Variants in BTRC observed in about 807,000 individuals in gnomAD.
BTRC encodes beta-transducin repeat containing E3 ubiquitin protein ligase.
BTRC carries 42 observed loss-of-function variants against 85.5 expected under a neutral mutation model. The observed-to-expected ratio is 0.49, with a 90% CI of 0.38 to 0.64. The LOEUF (loss-of-function observed/expected upper bound fraction) is 0.64. BTRC is among the 30% of genes least tolerant of loss of function. BTRC has a pLI of 0.00. For synonymous variants in BTRC, 255 were observed against 263.3 expected, an observed-to-expected ratio of 0.97 and a Z score of 0.30; for missense variants, 594 against 743.5, an observed-to-expected ratio of 0.80 and a Z score of 2.34.
At chr10:101,461,383 C>T (rs931327336) in intron 2 of BTRC, among the ~76,000 whole-genome samples, 5 of 151,746 alleles carry the variant, frequency 3.3e-5, no homozygotes, top group African/African-American at 1.2e-4. Flanking sequence ...TTGTTTTTTT[C>T]CCCCTCCTAA....
intron 3 of BTRC, among the ~76,000 whole-genome samples, chr10:101,472,213 T>G (rs1343379584): frequency 6.6e-6 from 1 of 152,082 alleles, no homozygotes; most frequent in African/African-American, 2.4e-5. Context: ...TCTTTCCATA[T>G]TTCATTTTTC....
chr10:101,498,537 A>G (rs1946322398), intron 4 of BTRC, among the ~76,000 whole-genome samples: 2 of 152,118 alleles, frequency 1.3e-5, no homozygotes, highest in Non-Finnish European at 2.9e-5. Context: ...CCATAAGCTA[A>G]TGGTGGCCAC....
chr10:101,480,183 A>G lies in BTRC; in HGVS notation c.324+726A>G, dbSNP rs182385784. On this transcript the variant is annotated intron_variant, in intron 4 of 14. Coordinates refer to ENST00000370187, the MANE Select transcript of BTRC (RefSeq NM_033637.4). ...CTGCAAAAATATTGCCTTTATATCT[A>G]TTCATAGATTTGCTACTGTTACAAC... Among the ~76,000 whole-genome samples, 117 of 152,244 alleles carry G rather than the reference A, an allele frequency of 7.7e-4. 2 individuals are homozygous for G. Among genetic ancestry groups the G allele is most frequent in the African/African-American group, 2.6e-3 (110 of 41,538 alleles).
chr10:101,547,405 A>G (rs1164598672), intron 13 of BTRC, among the ~76,000 whole-genome samples: 2 of 140,284 alleles, frequency 1.4e-5, no homozygotes, highest in African/African-American at 2.7e-5. Flanking sequence ...CAATGGCGCA[A>G]TCTCGGCTCA....
chr10:101,462,932 A>G (rs1426049552), intron 3 of BTRC, among the ~76,000 whole-genome samples: 1 of 151,648 alleles, frequency 6.6e-6, no homozygotes, highest in Non-Finnish European at 1.5e-5. Flanking sequence ...CAGTGGCGTG[A>G]TCTCGGCTCA....
intron 4 of BTRC, among the ~76,000 whole-genome samples, chr10:101,487,916 G>A (rs2134249432): frequency 6.6e-6 from 1 of 152,212 alleles, no homozygotes; most frequent in East Asian, 1.9e-4. Context: ...TTCCATTCTA[G>A]AGCTGGTTGC....
chr10:101,533,216 G>A (rs539446469), intron 9 of BTRC, 146 bp downstream of exon 9: 1 of 536,312 alleles, frequency 1.9e-6, no homozygotes, highest in Non-Finnish European at 3.2e-6. Flanking sequence ...TGTCAGTCTA[G>A]AACTAGAAAA....
chr10:101,541,967 C>A (rs2062475589), intron 13 of BTRC, among the ~76,000 whole-genome samples: 1 of 152,018 alleles, frequency 6.6e-6, no homozygotes, highest in African/African-American at 2.4e-5. Flanking sequence ...GTTCCCTCAT[C>A]TATTTTCTAA....
intron 1 of BTRC, among the ~76,000 whole-genome samples, chr10:101,374,803 A>G (rs1241802690): frequency 6.6e-6 from 1 of 152,082 alleles, no homozygotes; most frequent in African/African-American, 2.4e-5. Context: ...AAAAAAAAGA[A>G]AAGTTTATCC....
chr10:101,550,839 A>T lies in BTRC; in HGVS notation c.1797A>T (p.Thr599=). 1 of 1,613,948 alleles carries T rather than the reference A, an allele frequency of 6.2e-7. No homozygotes were observed. Among genetic ancestry groups the T allele is most frequent in the Non-Finnish European group, 8.5e-7 (1 of 1,179,858 alleles). ...AACCCCCCCGTTCCCCTTCTCGAAC[A>T]TACACCTACATCTCCAGATAAATAA... The part of the protein sequence containing the change: ...QAEPPRSPSR[T]YTYISR The change falls in exon 14 of 15, where the codon ACA becomes ACT. Residue 599 remains threonine, a synonymous_variant. Coordinates refer to ENST00000370187, the MANE Select transcript of BTRC (RefSeq NM_033637.4).
At chr10:101,552,288 A>T (rs1218783962) in intron 14 of BTRC, among the ~76,000 whole-genome samples, 2 of 151,738 alleles carry the variant, frequency 1.3e-5, no homozygotes, top group East Asian at 1.9e-4. Flanking sequence ...TCCTGGGCTC[A>T]AGTGATTCTC....
At chr10:101,458,958 T>C (rs1454902871) in intron 2 of BTRC, among the ~76,000 whole-genome samples, 1 of 152,206 alleles carries the variant, frequency 6.6e-6, no homozygotes, top group Non-Finnish European at 1.5e-5. Context: ...TCACTTATTG[T>C]AGTTTTAAAT....
At chr10:101,366,441 T>A (rs1371134148) in intron 1 of BTRC, among the ~76,000 whole-genome samples, 4 of 151,602 alleles carry the variant, frequency 2.6e-5, no homozygotes, top group Non-Finnish European at 4.4e-5. Flanking sequence ...GCTAAAATAG[T>A]GGCACAAAGA....
At chr10:101,440,762 C>T (rs920748799) in intron 2 of BTRC, among the ~76,000 whole-genome samples, 1 of 152,036 alleles carries the variant, frequency 6.6e-6, no homozygotes. Context: ...TTAGCCCTCT[C>T]CTCTGAAAAT....
rs1300676828 is a variant in BTRC, at chr10:101,553,894, C to CTT, written c.*772_*773dup. ...GCCAGATCAGCCAGAAAATGCAACA[C>CTT]TTGGAAGAGTTAAATGCTGTTCAGT... On this transcript the variant is annotated 3_prime_UTR_variant, in exon 15 of 15. Transcript: ENST00000370187. The CTT allele has an allele frequency of 1.3e-5, 2 of 152,662 alleles. No homozygotes were observed. Among genetic ancestry groups the CTT allele is most frequent in the Non-Finnish European group, 2.9e-5 (2 of 68,078 alleles). The allele number at this position is 152,662 out of a possible 1,614,324, so 9.5% of individuals were successfully genotyped here. A position where few individuals can be genotyped will look rare whatever the true frequency, so the allele number is the denominator to read the frequency against.
intron 2 of BTRC, among the ~76,000 whole-genome samples, chr10:101,436,413 G>A (rs1944530573): frequency 6.6e-6 from 1 of 152,130 alleles, no homozygotes; most frequent in South Asian, 2.1e-4. Flanking sequence ...GGAAGGCCAG[G>A]GCTGGCGGAT....
At chr10:101,536,272 C>T (rs1007058609) in intron 11 of BTRC, among the ~76,000 whole-genome samples, 1 of 152,178 alleles carries the variant, frequency 6.6e-6, no homozygotes. Context: ...GCATTGAATT[C>T]GTTTTTATGC....
At chr10:101,499,078 C>T (rs12246579) in intron 4 of BTRC, among the ~76,000 whole-genome samples, 5,580 of 151,948 alleles carry the variant, frequency 0.037, 329 homozygotes, top group African/African-American at 0.12. Flanking sequence ...ATTTCATATA[C>T]ATAATCTGTT....
chr10:101,404,765 G>A (rs1276746456), intron 1 of BTRC, among the ~76,000 whole-genome samples: 2 of 152,074 alleles, frequency 1.3e-5, no homozygotes, highest in Non-Finnish European at 2.9e-5. Context: ...TTGGGAGGCC[G>A]AGGTGGGCGG....
Sources: allele counts gnomAD v4.1 joint callset (sites outside exome capture counted in the v4.1 genomes callset), GRCh38; gene constraint gnomAD v4.1.1; transcripts MANE v1.5; gene names NCBI Gene and HGNC (gene_info 2026-07-23, HGNC 2026-07-21).